The following SETBP1 variants were observed in gnomAD, a reference collection of about 807,000 sequenced individuals.
SETBP1 encodes the protein SET-binding protein.
In SETBP1, 9 loss-of-function variants were observed where a neutral mutation model predicts 101.0. The observed-to-expected ratio is 0.09, with a 90% CI of 0.05 to 0.16. The LOEUF (loss-of-function observed/expected upper bound fraction) is 0.16. Ranked by LOEUF, SETBP1 falls within the 10% of genes least tolerant of loss-of-function variation. The probability of loss-of-function intolerance (pLI) is 1.00; values close to 1 mark genes in which losing one functional copy is unlikely to be tolerated. For missense variants in SETBP1, 1,858 were observed against 2,033.8 expected (o/e 0.91, Z 1.66); for synonymous variants, 818 against 788.5 (o/e 1.04, Z -0.63).
chr18:44,827,127 T>A (rs2072255877), intron 2 of SETBP1, among the ~76,000 whole-genome samples: 1 of 152,228 alleles, frequency 6.6e-6, no homozygotes, highest in African/African-American at 2.4e-5. Flanking sequence ...TTCTATTTGA[T>A]GACAAATGTC....
chr18:44,869,515 A>G, intron 3 of SETBP1: 1 of 549,550 alleles, frequency 1.8e-6, no homozygotes, highest in East Asian at 3.3e-5. Flanking sequence ...TCTATAGGAG[A>G]AAAATATATA....
At chr18:44,836,032 G>A (rs1015480630) in intron 2 of SETBP1, among the ~76,000 whole-genome samples, 12 of 152,118 alleles carry the variant, frequency 7.9e-5, no homozygotes, top group Non-Finnish European at 1.6e-4. Context: ...GAAGCATTTG[G>A]CCACGGACAA....
At chr18:44,935,243 A>G (rs1215608128) in intron 3 of SETBP1, among the ~76,000 whole-genome samples, 6 of 152,192 alleles carry the variant, frequency 3.9e-5, no homozygotes, top group Non-Finnish European at 8.8e-5. Context: ...TGAATTCAGC[A>G]TTTTCTTGAC....
At chr18:44,833,073 G>T (rs1203823010) in intron 2 of SETBP1, among the ~76,000 whole-genome samples, 1 of 152,212 alleles carries the variant, frequency 6.6e-6, no homozygotes, top group Non-Finnish European at 1.5e-5. Flanking sequence ...TAAGATACTG[G>T]ACGGTAAGTC....
At chr18:44,826,243 G>A (rs2072234579) in intron 2 of SETBP1, among the ~76,000 whole-genome samples, 1 of 152,116 alleles carries the variant, frequency 6.6e-6, no homozygotes, top group Non-Finnish European at 1.5e-5. Context: ...GAAATGGGTG[G>A]CAAAGAGGTA....
intron 4 of SETBP1, among the ~76,000 whole-genome samples, chr18:45,018,355 G>A (rs1276261512): frequency 6.6e-6 from 1 of 152,180 alleles, no homozygotes. Context: ...GGTAGTGTTA[G>A]TTGTGTGGTT....
Position 44,781,117 on chromosome 18 carries a change from A to AG in SETBP1, c.486+79287dup, listed in dbSNP as rs2071121306. 3.3e-5 allele frequency among the ~76,000 whole-genome samples: 5 copies of AG among 152,270 alleles called. No homozygotes were observed. The South Asian group carries it at 1.0e-3, about 32-fold the overall frequency. Reference sequence around the variant, plus strand: ...GGTAGGAACAGGGTACAGGGTATGAAGGAGTGCATGTTAGGTAGGGGTCTT... The same window carrying AG: ...GGTAGGAACAGGGTACAGGGTATGAAGGGAGTGCATGTTAGGTAGGGGTCTT... On this transcript the variant is annotated intron_variant, in intron 2 of 5. Transcript: ENST00000649279.
intron 2 of SETBP1, among the ~76,000 whole-genome samples, chr18:44,739,940 T>G (rs1418890894): frequency 6.6e-6 from 1 of 151,948 alleles, no homozygotes; most frequent in Admixed American, 6.6e-5. Context: ...AAGAATAGAT[T>G]TTGGTTGGAA....
chr18:44,880,226 G>T (rs1024320543), intron 3 of SETBP1, among the ~76,000 whole-genome samples: 4 of 152,182 alleles, frequency 2.6e-5, no homozygotes, highest in Non-Finnish European at 4.4e-5. Flanking sequence ...GATTCAAGAA[G>T]CACATGGGTT....
chr18:44,738,033 C>G (rs1173965657), intron 2 of SETBP1, among the ~76,000 whole-genome samples: 1 of 152,176 alleles, frequency 6.6e-6, no homozygotes, highest in East Asian at 1.9e-4. Flanking sequence ...TCTGCATATC[C>G]TAGGGCATGT....
intron 2 of SETBP1, among the ~76,000 whole-genome samples, chr18:44,769,193 A>G (rs1216836143): frequency 6.6e-6 from 1 of 152,224 alleles, no homozygotes; most frequent in Non-Finnish European, 1.5e-5. Context: ...TGGACTTTCC[A>G]TGGGAATCTG....
At chr18:44,812,677 T>A (rs1401850919) in intron 2 of SETBP1, among the ~76,000 whole-genome samples, 1 of 152,140 alleles carries the variant, frequency 6.6e-6, no homozygotes, top group East Asian at 1.9e-4. Flanking sequence ...GCAGCACTGA[T>A]GTCTGTGCCC....
At chr18:44,780,036 G>C (rs2071093268) in intron 2 of SETBP1, among the ~76,000 whole-genome samples, 1 of 152,142 alleles carries the variant, frequency 6.6e-6, no homozygotes. Context: ...ACTTAAGAGA[G>C]TTCCCTCCTT....
At chr18:44,689,595 T>G (rs904274248) in intron 1 of SETBP1, among the ~76,000 whole-genome samples, 2 of 150,754 alleles carry the variant, frequency 1.3e-5, no homozygotes, top group African/African-American at 4.9e-5. Context: ...AGGGGAGGAG[T>G]AGCAGCAGCC....
intron 4 of SETBP1, among the ~76,000 whole-genome samples, chr18:45,002,655 C>T (rs1049418416): frequency 2.0e-5 from 3 of 152,170 alleles, no homozygotes; most frequent in African/African-American, 7.2e-5. Flanking sequence ...TTGGTGGGTG[C>T]CTTCGCCCTC....
intron 3 of SETBP1, among the ~76,000 whole-genome samples, chr18:44,904,034 A>C (rs1252702293): frequency 6.6e-6 from 1 of 152,204 alleles, no homozygotes; most frequent in Non-Finnish European, 1.5e-5. Flanking sequence ...CTTCTAGGGT[A>C]CTGAGTCTAC....
chr18:44,911,408 A>G (rs925245952), intron 3 of SETBP1, among the ~76,000 whole-genome samples: 1 of 152,142 alleles, frequency 6.6e-6, no homozygotes, highest in South Asian at 2.1e-4. Context: ...GAAATCCACT[A>G]CTCTGGTTCT....
At chr18:45,030,239 A>T (rs1294648281) in intron 4 of SETBP1, among the ~76,000 whole-genome samples, 1 of 123,696 alleles carries the variant, frequency 8.1e-6, no homozygotes, top group African/African-American at 3.1e-5. Flanking sequence ...GAATTTTGTC[A>T]AAGGCCTTTT....
chr18:44,731,121 A>T (rs1222760461), intron 2 of SETBP1, among the ~76,000 whole-genome samples: 1 of 151,844 alleles, frequency 6.6e-6, no homozygotes, highest in Non-Finnish European at 1.5e-5. Flanking sequence ...ACCTCTTGAC[A>T]TGGCTGACTT....
Sources: gnomAD v4.1 joint callset for allele counts (sites outside exome capture counted in the v4.1 genomes callset) on GRCh38, gnomAD v4.1.1 for gene constraint, MANE v1.5 for transcripts, NCBI Gene and HGNC (gene_info 2026-07-23, HGNC 2026-07-21) for gene names.